MND1: variants seen among roughly 807,000 people sequenced by gnomAD.
MND1 encodes meiotic nuclear division protein 1 homolog.
A neutral mutation model predicts 35.1 loss-of-function variants in MND1; 28 were observed. That is an observed-to-expected ratio of 0.80 (90% CI 0.59 to 1.09). The LOEUF is 1.09. Among genes scored for constraint, MND1 ranks in the 50% least tolerant of loss-of-function variants. The pLI is 0.00. For missense variants in MND1, 213 were observed against 239.6 expected, an observed-to-expected ratio of 0.89 and a Z score of 0.73; for synonymous variants, 69 against 70.5, an observed-to-expected ratio of 0.98 and a Z score of 0.11.
upstream of MND1, chr4:153,344,679 C>G: frequency 6.6e-7 from 1 of 1,506,958 alleles, no homozygotes; most frequent in African/African-American, 1.4e-5. Context: ...GCGTCCTGGC[C>G]TGTCCCGCCC....
intron 4 of MND1, among the ~76,000 whole-genome samples, chr4:153,363,711 C>T (rs573735590): frequency 6.2e-4 from 95 of 152,104 alleles, no homozygotes; most frequent in Non-Finnish European, 1.2e-3. Flanking sequence ...TCCTCTGTGG[C>T]ATGATCAGGA....
chr4:153,345,734 A>G (rs537348665), intron 1 of MND1, among the ~76,000 whole-genome samples: 2 of 152,348 alleles, frequency 1.3e-5, no homozygotes, highest in African/African-American at 4.8e-5. Flanking sequence ...TTATTTGAAG[A>G]TATTTGTCCA....
intron 4 of MND1, among the ~76,000 whole-genome samples, chr4:153,389,544 A>G (rs1373173374): frequency 1.3e-5 from 2 of 152,048 alleles, no homozygotes; most frequent in African/African-American, 4.8e-5. Context: ...TATTTTTAGT[A>G]GTGACGGGAT....
At chr4:153,389,558 A>G (rs1398330607) in intron 4 of MND1, among the ~76,000 whole-genome samples, 1 of 152,036 alleles carries the variant, frequency 6.6e-6, no homozygotes, top group African/African-American at 2.4e-5. Flanking sequence ...ACGGGATTTC[A>G]CCATGTTGGT....
intron 1 of MND1, among the ~76,000 whole-genome samples, chr4:153,348,924 T>A (rs903243236): frequency 6.6e-6 from 1 of 152,234 alleles, no homozygotes; most frequent in African/African-American, 2.4e-5. Flanking sequence ...TTTCTGATGA[T>A]GTTTTTGGTT....
At chr4:153,401,862 C>A (rs1729354783) in intron 6 of MND1, among the ~76,000 whole-genome samples, 1 of 152,062 alleles carries the variant, frequency 6.6e-6, no homozygotes. Flanking sequence ...TTTAATTATG[C>A]CAGTTGAATT....
At chr4:153,402,464 G>A (rs1434986354) in intron 6 of MND1, among the ~76,000 whole-genome samples, 1 of 152,136 alleles carries the variant, frequency 6.6e-6, no homozygotes, top group Non-Finnish European at 1.5e-5. Context: ...TTAACCAAAG[G>A]CTTACAGGAG....
At chr4:153,344,811 A>G (rs1463766858) in intron 1 of MND1, 71 bp downstream of exon 1, 6 of 1,571,784 alleles carry the variant, frequency 3.8e-6, no homozygotes, top group Non-Finnish European at 4.3e-6. Flanking sequence ...CCTCGGCTGC[A>G]TGTGGATCCC....
In MND1 at chr4:153,350,075, A is replaced by G. The variant is rs1773175503; in HGVS notation, c.15A>G (p.Lys5=). The G allele has an allele frequency of 6.3e-7, 1 of 1,597,680 alleles. No individual in the cohort carries two copies. The highest frequency in any genetic ancestry group is 8.5e-7 in the Non-Finnish European group (1 of 1,172,670). Residue 5 remains lysine, a synonymous_variant, in exon 2 of 8, where the codon AAA becomes AAG. Transcript: ENST00000240488. ...TTTTTTTGCTTTAGTCAAAGAAAAA[A>G]GGACTGAGTGCAGAAGAAAAGAGAA... MSKK[K]GLSAEEKRTR... is the part of the protein sequence containing the mutation.
intron 4 of MND1, among the ~76,000 whole-genome samples, chr4:153,369,678 T>C (rs1289631069): frequency 1.3e-5 from 2 of 151,284 alleles, no homozygotes; most frequent in African/African-American, 4.8e-5. Context: ...GGCTGCTGAC[T>C]GATCAGGGTG....
intron 4 of MND1, among the ~76,000 whole-genome samples, chr4:153,379,206 C>A (rs139129482): frequency 6.7e-6 from 1 of 148,890 alleles, no homozygotes; most frequent in African/African-American, 2.5e-5. Context: ...AGGAGAATGG[C>A]GTGAACCCAG....
intron 6 of MND1, 27 bp from the exon 7 acceptor site, chr4:153,408,944 C>G: frequency 1.2e-6 from 1 of 867,238 alleles, no homozygotes; most frequent in Non-Finnish European, 1.5e-6. Context: ...AAATACATTT[C>G]ATTTTATATA....
chr4:153,381,665 A>AT (rs1561068406), intron 4 of MND1: 27 of 70,190 alleles, frequency 3.8e-4, no homozygotes, highest in East Asian at 1.2e-3. Context: ...TATATATAAT[A>AT]TAATATATAT....
intron 4 of MND1, among the ~76,000 whole-genome samples, chr4:153,386,579 G>A (rs1728871340): frequency 6.6e-6 from 1 of 152,052 alleles, no homozygotes; most frequent in South Asian, 2.1e-4. Context: ...AGTCAGGCGT[G>A]GTGGCATACC....
At chr4:153,386,062 G>A (rs1212656485) in intron 4 of MND1, among the ~76,000 whole-genome samples, 1 of 152,142 alleles carries the variant, frequency 6.6e-6, no homozygotes, top group Non-Finnish European at 1.5e-5. Context: ...GATTTTGATA[G>A]CAGAGGAGGC....
At chr4:153,375,071 G>A (rs772176659) in intron 4 of MND1, among the ~76,000 whole-genome samples, 2 of 152,250 alleles carry the variant, frequency 1.3e-5, no homozygotes, top group African/African-American at 2.4e-5. Context: ...AATGTTTAAT[G>A]TATACTCAGT....
intron 4 of MND1, among the ~76,000 whole-genome samples, chr4:153,390,870 CA>C (rs1292387773): frequency 4.7e-4 from 65 of 139,780 alleles, no homozygotes; most frequent in African/African-American, 1.5e-3. Flanking sequence ...CAGCCCGTCT[CA>C]AAAAAAAAGG....
chr4:153,360,988 C>A (rs904934991), intron 4 of MND1, among the ~76,000 whole-genome samples: 1 of 152,122 alleles, frequency 6.6e-6, no homozygotes, highest in Admixed American at 6.5e-5. Context: ...TATAGGCACA[C>A]CACCAAACTC....
chr4:153,413,996 C>A (rs1344837250), intron 7 of MND1, among the ~76,000 whole-genome samples: 1 of 152,106 alleles, frequency 6.6e-6, no homozygotes, highest in African/African-American at 2.4e-5. Context: ...TAAGAGAACC[C>A]CTTTCCCTGC....
Sources: gnomAD v4.1 joint callset for allele counts (sites outside exome capture counted in the v4.1 genomes callset) on GRCh38, gnomAD v4.1.1 for gene constraint, MANE v1.5 for transcripts, NCBI Gene and HGNC (gene_info 2026-07-23, HGNC 2026-07-21) for gene names.